The following POR variants were observed in gnomAD, a reference collection of about 807,000 sequenced individuals.
POR encodes NADPH--cytochrome P450 reductase.
POR carries 56 observed loss-of-function variants against 84.0 expected under a neutral mutation model. The observed-to-expected ratio is 0.67, with a 90% CI of 0.54 to 0.83. The LOEUF is 0.83. Ranked by LOEUF, POR falls within the 40% of genes least tolerant of loss-of-function variation. POR has a pLI of 0.00. For synonymous variants in POR, 414 were observed against 400.5 expected (o/e 1.03, Z -0.40); for missense variants, 938 against 944.3 (o/e 0.99, Z 0.09).
In POR at chr7:75,981,117, G is replaced by C. The variant is rs782707323; in HGVS notation, c.586G>C (p.Glu196Gln). The C allele has an allele frequency of 3.2e-6, 5 of 1,562,708 alleles. No individual in the cohort carries two copies. Among genetic ancestry groups the C allele is most frequent in the Non-Finnish European group, 4.3e-6 (5 of 1,154,590 alleles). ...GGGCAAGTACGTGGACAAGCGGCTG[G>C]AGCAGCTCGGCGCCCAGCGCATCTT... The change falls in exon 6 of 16, where the codon GAG becomes CAG. Residue 196 changes from glutamate (E) to glutamine (Q), a missense_variant. By Grantham distance (29) the Glu-to-Gln change is conservative. Transcript: ENST00000461988.
At chr7:75,985,036 A>G (rs1789337749) in intron 11 of POR, 22 bp from the exon 12 acceptor site, 6 of 1,584,938 alleles carry the variant, frequency 3.8e-6, no homozygotes, top group Middle Eastern at 1.7e-4. Context: ...AATCAGCCCC[A>G]TCTCACCCCC....
chr7:75,985,910 C>A lies in POR; in HGVS notation c.1670-13C>A. ...CTGGGAGCCCCGCGCTCACCCCGGC[C>A]CCTGCCACGCAGGCAAGGAGGTGGG... On this transcript the variant is annotated splice_polypyrimidine_tract_variant and intron_variant, in intron 13 of 15. Transcript: ENST00000461988. 1 of 1,573,982 alleles carries A rather than the reference C, an allele frequency of 6.4e-7. No homozygotes were observed. Among genetic ancestry groups the A allele is most frequent in the Non-Finnish European group, 8.6e-7 (1 of 1,158,906 alleles).
chr7:75,983,831 C>G lies in POR; in HGVS notation c.1041C>G (p.Val347=). The G allele has an allele frequency of 5.0e-6, 8 of 1,610,376 alleles. No homozygotes were observed. Among genetic ancestry groups the G allele is most frequent in the Non-Finnish European group, 5.9e-6 (7 of 1,178,804 alleles). Reference sequence around the variant, plus strand: ...AAATCCTGGGTGCCGACCTGGACGTCGTCATGTCCCTGAACAACCTGGATG... The same window carrying G: ...AAATCCTGGGTGCCGACCTGGACGTGGTCATGTCCCTGAACAACCTGGATG... The change falls in exon 10 of 16, where the codon GTC becomes GTG. Residue 347 remains valine (V), a synonymous_variant. Transcript: ENST00000461988.
At chr7:75,944,079 A>G (rs1010623465) in intron 1 of POR, among the ~76,000 whole-genome samples, 5 of 152,130 alleles carry the variant, frequency 3.3e-5, no homozygotes, top group African/African-American at 1.2e-4. Flanking sequence ...GGAACCAGGG[A>G]GCCCCACCCC....
At chr7:75,917,758 C>G (rs1417421378) in intron 1 of POR, among the ~76,000 whole-genome samples, 3 of 152,106 alleles carry the variant, frequency 2.0e-5, no homozygotes, top group Non-Finnish European at 4.4e-5. Flanking sequence ...TGCTTGAATT[C>G]TGCCTCAGCC....
chr7:75,977,732 C>A lies in POR; in HGVS notation c.238-1719C>A, dbSNP rs915562139. On this transcript the variant is annotated intron_variant, in intron 3 of 15. Coordinates refer to ENST00000461988, the MANE Select transcript of POR (RefSeq NM_000941.3). ...GGCAGAGGTTGCAGTGAACTGAGAT[C>A]GTGCCATTACACTCCAATCTGGGCG... Among the ~76,000 whole-genome samples, 16 of 152,240 alleles carry A rather than the reference C, an allele frequency of 1.1e-4. 1 individual carries two copies. Among genetic ancestry groups the A allele is most frequent in the Admixed American group, 5.2e-4 (8 of 15,280 alleles).
chr7:75,957,123 T>G (rs1034661208), intron 2 of POR, among the ~76,000 whole-genome samples: 6 of 152,214 alleles, frequency 3.9e-5, no homozygotes, highest in Admixed American at 1.3e-4. Context: ...TAGCGTGGGT[T>G]GCCTCATTTC....
chr7:75,975,796 G>GA (rs1299673872), intron 3 of POR, among the ~76,000 whole-genome samples: 2 of 137,480 alleles, frequency 1.5e-5, no homozygotes, highest in South Asian at 4.6e-4. Context: ...ATTTGTTGAG[G>GA]AAAAAAAAGC....
At chr7:75,967,830 C>G (rs1554555522) in intron 2 of POR, 3 of 345,366 alleles carry the variant, frequency 8.7e-6, no homozygotes, top group South Asian at 2.2e-5. Context: ...TGAGTCCTGC[C>G]TGCTGGGGCT....
chr7:75,969,496 G>A (rs893493556), intron 2 of POR, among the ~76,000 whole-genome samples: 25 of 152,210 alleles, frequency 1.6e-4, no homozygotes, highest in African/African-American at 5.5e-4. Flanking sequence ...GGTGCCTGGC[G>A]CAGTGCCTCC....
At position 75,953,091 on chromosome 7, in the gene POR, A is replaced by G. The variant is rs1787521212; in HGVS notation, c.-4-898A>G. On this transcript the variant is annotated intron_variant, in intron 1 of 15. Coordinates refer to ENST00000461988, the MANE Select transcript of POR (RefSeq NM_000941.3). Reference sequence around the variant, plus strand: ...CGGCACCTCGGGAGGCCGAGGCTGGAGGATCACTCGCGGTTAGGAGCTGGA... The same window carrying G: ...CGGCACCTCGGGAGGCCGAGGCTGGGGGATCACTCGCGGTTAGGAGCTGGA... 4.6e-5 allele frequency among the ~76,000 whole-genome samples: 7 copies of G among 152,276 alleles called. No homozygotes were observed. In the South Asian group the frequency reaches 1.2e-3, roughly 27 times the overall value.
At chr7:75,950,502 G>A (rs990522300) in intron 1 of POR, among the ~76,000 whole-genome samples, 3 of 152,124 alleles carry the variant, frequency 2.0e-5, no homozygotes, top group Admixed American at 6.6e-5. Flanking sequence ...GGGAGCTCCT[G>A]TGTCACCATG....
chr7:75,981,232 G>A (rs922910494), intron 6 of POR, 60 bp downstream of exon 6: 11 of 1,477,500 alleles, frequency 7.4e-6, no homozygotes, highest in Admixed American at 6.9e-5. Context: ...GCCGTGGAAC[G>A]TGAGGGGCGC....
chr7:75,943,190 A>G (rs1391886138), intron 1 of POR, among the ~76,000 whole-genome samples: 13 of 152,068 alleles, frequency 8.5e-5, no homozygotes. Flanking sequence ...TCACCTTGTG[A>G]TCCGCCTGCC....
At chr7:75,961,181 TGAG>T (rs1409490469) in intron 2 of POR, among the ~76,000 whole-genome samples, 1 of 149,612 alleles carries the variant, frequency 6.7e-6, no homozygotes, top group Non-Finnish European at 1.5e-5. Context: ...TGCAGTGAGC[TGAG>T]ATCACGCTAC....
chr7:75,970,211 A>C (rs535083952), intron 2 of POR, among the ~76,000 whole-genome samples: 16 of 152,020 alleles, frequency 1.1e-4, no homozygotes, highest in Admixed American at 3.3e-4. Flanking sequence ...CTCAGGGTGT[A>C]GCTATTCTAA....
chr7:75,962,907 C>T (rs551696194), intron 2 of POR, among the ~76,000 whole-genome samples: 31 of 152,312 alleles, frequency 2.0e-4, no homozygotes, highest in Non-Finnish European at 3.8e-4. Context: ...CCTAAGCTTC[C>T]CTTCCATCCC....
intron 2 of POR, among the ~76,000 whole-genome samples, chr7:75,960,777 G>A (rs781959791): frequency 2.0e-5 from 3 of 152,148 alleles, no homozygotes; most frequent in African/African-American, 4.8e-5. Flanking sequence ...ACCTTAGTGC[G>A]GGGCCGCCTG....
At chr7:75,957,385 G>A (rs1585108408) in intron 2 of POR, among the ~76,000 whole-genome samples, 4 of 152,308 alleles carry the variant, frequency 2.6e-5, no homozygotes, top group Middle Eastern at 3.4e-3. Flanking sequence ...CATTGCTGGT[G>A]TGGAATAGTA....
Sources: gnomAD v4.1 joint callset for allele counts (sites outside exome capture counted in the v4.1 genomes callset) on GRCh38, gnomAD v4.1.1 for gene constraint, MANE v1.5 for transcripts, NCBI Gene and HGNC (gene_info 2026-07-23, HGNC 2026-07-21) for gene names.